Variants in ZNF543 observed in about 807,000 individuals in gnomAD.
ZNF543 encodes the protein zinc finger protein 543.
In ZNF543, 10 loss-of-function variants were observed where a neutral mutation model predicts 13.4. That is an observed-to-expected ratio of 0.75 (90% CI 0.46 to 1.26). The LOEUF (loss-of-function observed/expected upper bound fraction) is 1.26. ZNF543 is among the 50% of genes most tolerant of loss of function. ZNF543 has a pLI of 0.00. For missense variants in ZNF543, 768 were observed against 741.2 expected, an observed-to-expected ratio of 1.04 and a Z score of -0.42; for synonymous variants, 272 against 264.7, an observed-to-expected ratio of 1.03 and a Z score of -0.27.
chr19:57,327,952 T>A lies in ZNF543; in HGVS notation c.490T>A (p.Cys164Ser). The change falls in exon 4 of 4, where the codon TGT (cysteine) becomes AGT (serine). Residue 164 changes from cysteine to serine, a missense_variant. Cys to Ser is a moderately radical substitution (Grantham distance 112, BLOSUM62 -1). Around this residue, in one of 3 missense-constraint regions of ZNF543, gnomAD observed 677 missense variants for 631.4 expected, o/e 1.07. Coordinates refer to ENST00000321545, the MANE Select transcript of ZNF543 (RefSeq NM_213598.4). ...TGGTTTGGGGTCAGATGATGGTGTA[T>A]GTACAAAGATTACACAGAAACAAGT... Reference protein sequence around the residue: ...RDGLGSDDGVCTKITQKQVST... With the variant: ...RDGLGSDDGVSTKITQKQVST... 1 of 1,614,174 alleles carries A rather than the reference T, an allele frequency of 6.2e-7. No homozygotes were observed. Among genetic ancestry groups the A allele is most frequent in the South Asian group, 1.1e-5 (1 of 91,090 alleles).
rs1319790006 is a variant in ZNF543 at position 57,329,471 on chromosome 19, A to T, written c.*206A>T. On this transcript the variant is annotated 3_prime_UTR_variant, in exon 4 of 4. Coordinates refer to ENST00000321545, the MANE Select transcript of ZNF543 (RefSeq NM_213598.4). ...TATGCACTTAGGAAAACTTTCAGCCACATCTTTCTTCTTAGTTTACAGTGA... is the reference window on the plus strand; with the variant it reads ...TATGCACTTAGGAAAACTTTCAGCCTCATCTTTCTTCTTAGTTTACAGTGA... 1.3e-5 allele frequency: 7 copies of T among 553,254 alleles called. No homozygotes were observed. The highest frequency in any genetic ancestry group is 2.1e-5 in the Non-Finnish European group (7 of 332,310). 34.3% of individuals were successfully genotyped at this position (553,254 alleles called of 1,614,324 possible). A position where few individuals can be genotyped will look rare whatever the true frequency, so the allele number is the denominator to read the frequency against.
At chr19:57,326,849 T>A in intron 3 of ZNF543, 121 bp downstream of exon 3, 1 of 715,552 alleles carries the variant, frequency 1.4e-6, no homozygotes, top group South Asian at 1.8e-5. Flanking sequence ...TTGGGATCCA[T>A]GGAGCCTCTC....
Position 57,323,732 on chromosome 19 carries a change from G to C in ZNF543, c.69G>C (p.Trp23Cys). The C allele has an allele frequency of 6.2e-7, 1 of 1,613,780 alleles. No individual in the cohort carries two copies. The highest frequency in any genetic ancestry group is 8.5e-7 in the Non-Finnish European group (1 of 1,179,740). The part of the protein sequence containing the change: ...DVAVTFTQEE[W>C]GQLDAAQRTL... ...CTGTGACATTCACCCAGGAGGAGTG[G>C]GGACAGTTGGATGCAGCCCAGAGAA... Residue 23 changes from tryptophan to cysteine, a missense_variant, in exon 2 of 4, where the codon TGG becomes TGC. By Grantham distance (215) the Trp-to-Cys change is radical (BLOSUM62 -2). This residue lies in a region of ZNF543 where 77 missense variants were observed against 75.5 expected (regional missense o/e 1.02). Transcript: ENST00000321545.
chr19:57,322,493 A>AG (rs985798662), intron 1 of ZNF543, among the ~76,000 whole-genome samples: 13 of 151,972 alleles, frequency 8.6e-5, no homozygotes, highest in African/African-American at 3.1e-4. Context: ...AAAAAAAAAA[A>AG]AAAAAATCCT....
Position 57,329,416 on chromosome 19 carries a change from A to G in ZNF543, c.*151A>G, listed in dbSNP as rs2088148543. 1 of 1,086,834 alleles carries G rather than the reference A, an allele frequency of 9.2e-7. No homozygotes were observed. Among genetic ancestry groups the G allele is most frequent in the African/African-American group, 1.6e-5 (1 of 63,400 alleles). 67.3% of individuals were successfully genotyped at this position (1,086,834 alleles called of 1,614,324 possible). ...CTGGAGTCTTATTCTCCACCTGAGA[A>G]TTCACCCATGAGAGAGACCCAGTGG... On this transcript the variant is annotated 3_prime_UTR_variant, in exon 4 of 4. Transcript: ENST00000321545.
chr19:57,324,828 G>T (rs1319527749), intron 2 of ZNF543, among the ~76,000 whole-genome samples: 1 of 152,054 alleles, frequency 6.6e-6, no homozygotes, highest in Non-Finnish European at 1.5e-5. Context: ...AAAAGCCTTA[G>T]GTCAGTGAAG....
chr19:57,326,556 T>C, intron 2 of ZNF543, 77 bp from the exon 3 acceptor site: 1 of 1,104,820 alleles, frequency 9.1e-7, no homozygotes, highest in East Asian at 2.4e-5. Flanking sequence ...TTCCCCATCC[T>C]GCAGTCCCAG....
intron 2 of ZNF543, among the ~76,000 whole-genome samples, chr19:57,325,808 T>C (rs1043566936): frequency 6.6e-6 from 1 of 152,188 alleles, no homozygotes; most frequent in Non-Finnish European, 1.5e-5. Flanking sequence ...CGTGAGCCAC[T>C]GTGCCCAGCC....
In ZNF543 at chr19:57,328,241, G is replaced by T. The variant is rs746249949; in HGVS notation, c.779G>T (p.Cys260Phe). The T allele has an allele frequency of 5.6e-6, 9 of 1,614,034 alleles. No individual in the cohort carries two copies. The highest frequency in any genetic ancestry group is 1.6e-4 in the Middle Eastern group (1 of 6,084). The change falls in exon 4 of 4, where the codon TGT becomes TTT. Residue 260 changes from cysteine (C) to phenylalanine (F), a missense_variant. Cys to Phe is a radical substitution (Grantham distance 205). Coordinates refer to ENST00000321545, the MANE Select transcript of ZNF543 (RefSeq NM_213598.4). ...TGEKPYKCMECGKAFNRRSHL... is the reference protein window; with the variant it reads ...TGEKPYKCMEFGKAFNRRSHL... ...GAGAAGCCCTATAAGTGCATGGAGT[G>T]TGGGAAGGCTTTTAACCGCAGGTCA...
intron 2 of ZNF543, 124 bp downstream of exon 2, chr19:57,323,932 T>A: frequency 8.1e-7 from 1 of 1,228,574 alleles, no homozygotes; most frequent in Non-Finnish European, 1.1e-6. Flanking sequence ...CACCATTGGC[T>A]CTGAGCGTAG....
At position 57,329,100 on chromosome 19, in the gene ZNF543, C is replaced by T. The variant is rs149724969; in HGVS notation, c.1638C>T (p.Arg546=). Residue 546 remains arginine, a synonymous_variant, in exon 4 of 4, where the codon CGC becomes CGT. Coordinates refer to ENST00000321545, the MANE Select transcript of ZNF543 (RefSeq NM_213598.4). ...GTGAGTGTGGAAAGGCTTTTAATCGCGGCTCATCCCTCACACATCATCAAA... is the reference window on the plus strand; with the variant it reads ...GTGAGTGTGGAAAGGCTTTTAATCGTGGCTCATCCCTCACACATCATCAAA... The part of the protein sequence containing the change: ...ECSECGKAFN[R]GSSLTHHQRI... The T allele has an allele frequency of 8.1e-5, 131 of 1,614,172 alleles. No individual in the cohort carries two copies. The highest frequency in any genetic ancestry group is 3.3e-4 in the Admixed American group (20 of 60,028).
At position 57,329,268 on chromosome 19, in the gene ZNF543, G is replaced by C. The variant is rs143736129; in HGVS notation, c.*3G>C. 3.8e-6 allele frequency: 6 copies of C among 1,592,658 alleles called. No homozygotes were observed. The highest frequency in any genetic ancestry group is 1.7e-5 in the Admixed American group (1 of 57,554). On this transcript the variant is annotated 3_prime_UTR_variant, in exon 4 of 4. Transcript: ENST00000321545. ...CCACTGAAGAAAATCTGTGGTGAAA[G>C]GGAACATCTTACCATCTGGCCATTC...
chr19:57,324,441 G>C (rs2088109298), intron 2 of ZNF543, among the ~76,000 whole-genome samples: 1 of 151,528 alleles, frequency 6.6e-6, no homozygotes, highest in African/African-American at 2.4e-5. Flanking sequence ...TGTTGTGATA[G>C]GTGGCTGGGC....
At chr19:57,327,635 G>T in intron 3 of ZNF543, 69 bp from the exon 4 acceptor site, 1 of 1,527,614 alleles carries the variant, frequency 6.5e-7, no homozygotes, top group Non-Finnish European at 8.7e-7. Context: ...ATGAATCACT[G>T]TCCCTGGCCT....
At position 57,320,864 on chromosome 19, in the gene ZNF543, C is replaced by T. The variant is rs759994691; in HGVS notation, c.11C>T (p.Ser4Leu). 6.2e-7 allele frequency: 1 copy of T among 1,614,012 alleles called. No individual in the cohort carries two copies. The highest frequency in any genetic ancestry group is 8.5e-7 in the Non-Finnish European group (1 of 1,179,966). The change falls in exon 1 of 4, where the codon TCG (serine) becomes TTG (leucine). Residue 4 changes from serine to leucine, a missense_variant. Coordinates refer to ENST00000321545, the MANE Select transcript of ZNF543 (RefSeq NM_213598.4). ...CTGCAGGGTCTCAGGATGGCAGCCTCGGCGCAGGTGAGTGGACGAGGTTTT... is the reference window on the plus strand; with the variant it reads ...CTGCAGGGTCTCAGGATGGCAGCCTTGGCGCAGGTGAGTGGACGAGGTTTT... MAASAQVSVTFEDV... is the reference protein window; with the variant it reads MAALAQVSVTFEDV...
intron 1 of ZNF543, 166 bp from the exon 2 acceptor site, chr19:57,323,516 C>T (rs2088102670): frequency 1.1e-6 from 1 of 891,768 alleles, no homozygotes; most frequent in Admixed American, 1.8e-5. Flanking sequence ...TTATCCAAGG[C>T]AATGTCCACA....
rs770340039 is a variant in ZNF543 at position 57,328,187 on chromosome 19, T to G, written c.725T>G (p.Leu242Arg). 1 of 1,613,286 alleles carries G rather than the reference T, an allele frequency of 6.2e-7. No homozygotes were observed. Among genetic ancestry groups the G allele is most frequent in the South Asian group, 1.1e-5 (1 of 91,002 alleles). ...CGKTFSKSTH[L>R]LQHLIIHTGE... Reference sequence around the variant, plus strand: ...AAAACCTTTAGCAAGAGCACTCATCTTCTTCAGCACCTCATCATCCACACT... The same window carrying G: ...AAAACCTTTAGCAAGAGCACTCATCGTCTTCAGCACCTCATCATCCACACT... Residue 242 changes from leucine (L) to arginine (R), a missense_variant, in exon 4 of 4, where the codon CTT becomes CGT. Leu to Arg is a moderately radical substitution (Grantham distance 102, BLOSUM62 -2). Coordinates refer to ENST00000321545, the MANE Select transcript of ZNF543 (RefSeq NM_213598.4).
chr19:57,328,476 C>T lies in ZNF543; in HGVS notation c.1014C>T (p.Pro338=). The T allele has an allele frequency of 6.2e-7, 1 of 1,614,222 alleles. No homozygotes were observed. Among genetic ancestry groups the T allele is most frequent in the South Asian group, 1.1e-5 (1 of 91,090 alleles). ...ACATCATCCACACGGGAGAGAAGCCCTATGAGTGCATTGAGTGTGGGAAGG... is the reference window on the plus strand; with the variant it reads ...ACATCATCCACACGGGAGAGAAGCCTTATGAGTGCATTGAGTGTGGGAAGG... ...RHYIIHTGEK[P]YECIECGKAF... The change falls in exon 4 of 4, where the codon CCC becomes CCT. Residue 338 remains proline (P), a synonymous_variant. Coordinates refer to ENST00000321545, the MANE Select transcript of ZNF543 (RefSeq NM_213598.4).
intron 2 of ZNF543, among the ~76,000 whole-genome samples, chr19:57,324,481 GT>G (rs1301051252): frequency 1.3e-5 from 2 of 152,134 alleles, no homozygotes; most frequent in South Asian, 2.1e-4. Context: ...CTCTGTTGCT[GT>G]CACTATTGTC....
Sources: gnomAD v4.1 joint callset for allele counts (sites outside exome capture counted in the v4.1 genomes callset) on GRCh38, gnomAD v4.1.1 for gene constraint, gnomAD v4.1.1 regional missense constraint, MANE v1.5 for transcripts, NCBI Gene and HGNC (gene_info 2026-07-23, HGNC 2026-07-21) for gene names.